The following SBF2 variants were observed in gnomAD, a reference collection of about 807,000 sequenced individuals.
The protein encoded by SBF2 is SET binding factor 2, also known as myotubularin-related protein 13.
In SBF2, 112 loss-of-function variants were observed where a neutral mutation model predicts 225.2. That is an observed-to-expected ratio of 0.50 (90% CI 0.43 to 0.58). The LOEUF is 0.58. Ranked by LOEUF, SBF2 falls within the 20% of genes least tolerant of loss-of-function variation. SBF2 has a pLI of 0.00. For synonymous variants in SBF2, 763 were observed against 773.3 expected (o/e 0.99, Z 0.22); for missense variants, 1,996 against 2,206.2 (o/e 0.90, Z 1.91).
At chr11:9,940,270 T>C (rs1365183440) in intron 16 of SBF2, among the ~76,000 whole-genome samples, 2 of 152,098 alleles carry the variant, frequency 1.3e-5, no homozygotes, top group East Asian at 1.9e-4. Flanking sequence ...CCGGGCATGG[T>C]GGCGGGCACC....
intron 2 of SBF2, among the ~76,000 whole-genome samples, chr11:10,074,839 A>G (rs762495443): frequency 1.4e-4 from 21 of 152,212 alleles, no homozygotes; most frequent in Admixed American, 4.6e-4. Flanking sequence ...GTTTACACAT[A>G]TATTAAATAC....
chr11:10,062,689 C>G (rs759497326), intron 2 of SBF2, among the ~76,000 whole-genome samples: 4 of 152,144 alleles, frequency 2.6e-5, no homozygotes, highest in Non-Finnish European at 5.9e-5. Flanking sequence ...CAAAAAATAA[C>G]AGATGCTGGC....
rs573751013 is a variant in SBF2, at chr11:10,133,645, C to T, written c.141+60257G>A. 3.8e-3 allele frequency among the ~76,000 whole-genome samples: 574 copies of T among 149,546 alleles called. 6 individuals are homozygous for T. Among genetic ancestry groups the T allele is most frequent in the South Asian group, 5.8e-3 (27 of 4,668 alleles). On this transcript the variant is annotated intron_variant, in intron 2 of 39. Transcript: ENST00000256190. Reference sequence around the variant, plus strand: ...CGCCCACCCGGAACTCCAGCTGGCCCGCAAGTGCCGCACACAGCCCCGGTT... The same window carrying T: ...CGCCCACCCGGAACTCCAGCTGGCCTGCAAGTGCCGCACACAGCCCCGGTT...
At chr11:10,090,005 A>G (rs181254227) in intron 2 of SBF2, among the ~76,000 whole-genome samples, 89 of 152,314 alleles carry the variant, frequency 5.8e-4, no homozygotes, top group Non-Finnish European at 4.9e-4. Context: ...TAGTCTTAAG[A>G]TGGCCGGAAA....
chr11:9,939,294 C>A (rs186208230), intron 16 of SBF2, among the ~76,000 whole-genome samples: 200 of 152,200 alleles, frequency 1.3e-3, no homozygotes, highest in Middle Eastern at 3.4e-3. Context: ...GACGGGGTTT[C>A]ACCACCTTGG....
intron 2 of SBF2, among the ~76,000 whole-genome samples, chr11:10,067,785 G>A (rs1018896257): frequency 6.6e-6 from 1 of 152,026 alleles, no homozygotes; most frequent in Non-Finnish European, 1.5e-5. Context: ...CATCCAGCTC[G>A]AGAGGCTGAG....
At chr11:10,041,218 T>C (rs982029905) in intron 3 of SBF2, among the ~76,000 whole-genome samples, 1 of 152,054 alleles carries the variant, frequency 6.6e-6, no homozygotes, top group Non-Finnish European at 1.5e-5. Flanking sequence ...GACAGAGTGG[T>C]TCTTGGGCTA....
chr11:10,237,272 G>T (rs1959109912), intron 1 of SBF2, among the ~76,000 whole-genome samples: 1 of 152,142 alleles, frequency 6.6e-6, no homozygotes, highest in Non-Finnish European at 1.5e-5. Context: ...ACTTGAGCCT[G>T]GGAGGCAGAG....
chr11:9,954,377 T>C (rs1015351243), intron 16 of SBF2, among the ~76,000 whole-genome samples: 1 of 152,230 alleles, frequency 6.6e-6, no homozygotes, highest in Non-Finnish European at 1.5e-5. Flanking sequence ...ATGTTCAGAA[T>C]GTCATGTTAA....
At chr11:10,123,632 CAG>C (rs1000336458) in intron 2 of SBF2, among the ~76,000 whole-genome samples, 21 of 151,690 alleles carry the variant, frequency 1.4e-4, no homozygotes, top group Non-Finnish European at 2.8e-4. Context: ...CTGTTGTATT[CAG>C]AGTCGAGTTT....
At chr11:10,228,241 T>C (rs1456764528) in intron 1 of SBF2, among the ~76,000 whole-genome samples, 1 of 152,250 alleles carries the variant, frequency 6.6e-6, no homozygotes, top group African/African-American at 2.4e-5. Flanking sequence ...TGGGGTTTTC[T>C]AGATATACAA....
chr11:9,850,020 T>C lies in SBF2; in HGVS notation c.2806+3A>G, dbSNP rs1342483541. 2 of 1,613,362 alleles carry C rather than the reference T, an allele frequency of 1.2e-6. No homozygotes were observed. The highest frequency in any genetic ancestry group is 1.7e-6 in the Non-Finnish European group (2 of 1,179,478). On this transcript the variant is annotated splice_donor_region_variant and intron_variant, in intron 22 of 39. Coordinates refer to ENST00000256190, the MANE Select transcript of SBF2 (RefSeq NM_030962.4). Reference sequence around the variant, plus strand: ...CATGTTCTGATGGCATATCGAGTCATACCTAACTGATCATGGGGTGTTCCT... The same window carrying C: ...CATGTTCTGATGGCATATCGAGTCACACCTAACTGATCATGGGGTGTTCCT...
chr11:9,828,709 T>C (rs1184072259), intron 28 of SBF2: 7 of 851,724 alleles, frequency 8.2e-6, no homozygotes, highest in East Asian at 1.2e-4. Flanking sequence ...AAAATCATAA[T>C]AGGCTGCAGA....
chr11:9,988,917 AAAG>A (rs1333213437), intron 13 of SBF2, among the ~76,000 whole-genome samples: 1 of 152,170 alleles, frequency 6.6e-6, no homozygotes, highest in Non-Finnish European at 1.5e-5. Context: ...ACCCAGAGGA[AAAG>A]AAGTCATTCT....
intron 2 of SBF2, among the ~76,000 whole-genome samples, chr11:10,056,699 G>A (rs180995951): frequency 1.3e-5 from 2 of 152,206 alleles, no homozygotes; most frequent in East Asian, 1.9e-4. Flanking sequence ...CCTCATCACT[G>A]AGCAGGACCT....
At chr11:9,948,494 T>G (rs1347403818) in intron 16 of SBF2, among the ~76,000 whole-genome samples, 1 of 152,208 alleles carries the variant, frequency 6.6e-6, no homozygotes, top group Non-Finnish European at 1.5e-5. Flanking sequence ...TTCTGTACTT[T>G]CTGAAATAAA....
chr11:9,944,907 A>G (rs1865477476), intron 16 of SBF2, among the ~76,000 whole-genome samples: 1 of 152,092 alleles, frequency 6.6e-6, no homozygotes, highest in Non-Finnish European at 1.5e-5. Flanking sequence ...AGAGTTTGAG[A>G]CCAACTTGGG....
intron 6 of SBF2, among the ~76,000 whole-genome samples, chr11:10,017,943 C>T (rs1473149722): frequency 1.3e-5 from 2 of 152,032 alleles, no homozygotes; most frequent in African/African-American, 4.8e-5. Flanking sequence ...CAGATTTTTC[C>T]AACCTTCAAT....
chr11:9,984,931 G>A (rs1947130228), intron 13 of SBF2, among the ~76,000 whole-genome samples: 1 of 152,138 alleles, frequency 6.6e-6, no homozygotes, highest in Non-Finnish European at 1.5e-5. Flanking sequence ...GCTAAAAGGA[G>A]CTCTAAATCT....
Sources: gnomAD v4.1 joint callset for allele counts (sites outside exome capture counted in the v4.1 genomes callset) on GRCh38, gnomAD v4.1.1 for gene constraint, MANE v1.5 for transcripts, NCBI Gene and HGNC (gene_info 2026-07-23, HGNC 2026-07-21) for gene names.